Variants in BMPR1A observed in about 807,000 individuals in gnomAD.
BMPR1A encodes bone morphogenetic protein receptor type-1A.
In BMPR1A, 7 loss-of-function variants were observed where a neutral mutation model predicts 66.0. The observed-to-expected ratio is 0.11, with a 90% CI of 0.06 to 0.20. BMPR1A has a LOEUF of 0.20. Ranked by LOEUF, BMPR1A falls within the 10% of genes least tolerant of loss-of-function variation. BMPR1A has a pLI of 1.00. For missense variants in BMPR1A, 408 were observed against 669.1 expected, an observed-to-expected ratio of 0.61 and a Z score of 4.31; for synonymous variants, 200 against 229.7, an observed-to-expected ratio of 0.87 and a Z score of 1.17.
chr10:86,818,161 G>A (rs533782151), intron 1 of BMPR1A, among the ~76,000 whole-genome samples: 140 of 152,244 alleles, frequency 9.2e-4, no homozygotes, highest in Admixed American at 2.0e-3. Flanking sequence ...TAGGATTACA[G>A]GCACCTGCCA....
chr10:86,803,480 T>G (rs1841841669), intron 1 of BMPR1A, among the ~76,000 whole-genome samples: 1 of 152,220 alleles, frequency 6.6e-6, no homozygotes, highest in Non-Finnish European at 1.5e-5. Flanking sequence ...TGTTTTCCAG[T>G]TCTTTTATAG....
chr10:86,851,237 TA>T (rs1207958492), intron 2 of BMPR1A, among the ~76,000 whole-genome samples: 1 of 152,238 alleles, frequency 6.6e-6, no homozygotes, highest in African/African-American at 2.4e-5. Flanking sequence ...CCATTATACT[TA>T]CAAAGAACTG....
chr10:86,766,286 G>A (rs932724072), intron 1 of BMPR1A, among the ~76,000 whole-genome samples: 3 of 152,086 alleles, frequency 2.0e-5, no homozygotes, highest in South Asian at 4.2e-4. Flanking sequence ...GGTGTTGTGC[G>A]CAGCCTTAAT....
intron 1 of BMPR1A, among the ~76,000 whole-genome samples, chr10:86,772,725 A>G (rs1841283847): frequency 6.6e-6 from 1 of 152,180 alleles, no homozygotes; most frequent in South Asian, 2.1e-4. Flanking sequence ...TTCTCTTAAC[A>G]GTCATTTAAA....
intron 7 of BMPR1A, among the ~76,000 whole-genome samples, chr10:86,906,654 G>A (rs1320489653): frequency 1.9e-5 from 1 of 52,458 alleles, no homozygotes; most frequent in Non-Finnish European, 2.9e-5. Flanking sequence ...AATCCGGGAG[G>A]CGGAGCTTGC....
At chr10:86,803,487 A>G (rs1419010065) in intron 1 of BMPR1A, among the ~76,000 whole-genome samples, 1 of 152,122 alleles carries the variant, frequency 6.6e-6, no homozygotes, top group African/African-American at 2.4e-5. Context: ...CAGTTCTTTT[A>G]TAGTTTTACA....
chr10:86,880,738 C>CT (rs1281191803), intron 3 of BMPR1A, among the ~76,000 whole-genome samples: 1 of 152,182 alleles, frequency 6.6e-6, no homozygotes, highest in African/African-American at 2.4e-5. Context: ...GGAGAAATCA[C>CT]TGAGTTCAAG....
chr10:86,900,215 CT>C (rs1329406964), intron 7 of BMPR1A, 89 bp downstream of exon 7: 1 of 1,253,792 alleles, frequency 8.0e-7, no homozygotes, highest in Non-Finnish European at 1.1e-6. Flanking sequence ...AAACCATTAA[CT>C]TGTATTCTCT....
intron 2 of BMPR1A, among the ~76,000 whole-genome samples, chr10:86,864,144 G>C (rs1026261196): frequency 7.2e-5 from 11 of 151,968 alleles, no homozygotes; most frequent in African/African-American, 2.7e-4. Flanking sequence ...GTTTTGCCTC[G>C]CACAAGGTCT....
intron 2 of BMPR1A, among the ~76,000 whole-genome samples, chr10:86,844,282 G>A (rs1209957381): frequency 6.6e-6 from 1 of 152,116 alleles, no homozygotes; most frequent in Non-Finnish European, 1.5e-5. Context: ...TCTGTTCATA[G>A]TTACCTCTTT....
In BMPR1A at chr10:86,855,442, T is replaced by G. The variant is rs529283145; in HGVS notation, c.-153+16463T>G. The G allele has an allele frequency of 1.1e-5, 7 of 636,528 alleles. No individual in the cohort carries two copies. The African/African-American group carries it at 1.3e-4, about 12-fold the overall frequency. The allele number at this position is 636,528 out of a possible 1,614,324, so 39.4% of individuals were successfully genotyped here. A position where few individuals can be genotyped will look rare whatever the true frequency, so the allele number is the denominator to read the frequency against. ...ATGCTCCATACTTTTCTTATGCCTA[T>G]TAGAGTTATTTCTGACCTACTGTAT... On this transcript the variant is annotated intron_variant, in intron 2 of 12. Coordinates refer to ENST00000372037, the MANE Select transcript of BMPR1A (RefSeq NM_004329.3).
intron 1 of BMPR1A, among the ~76,000 whole-genome samples, chr10:86,835,586 A>G (rs1213789240): frequency 1.5e-5 from 2 of 133,342 alleles, no homozygotes; most frequent in African/African-American, 5.3e-5. Context: ...AAAAAAAAAA[A>G]AAGGTGTTTT....
intron 7 of BMPR1A, among the ~76,000 whole-genome samples, chr10:86,902,581 T>C (rs767366261): frequency 5.3e-5 from 8 of 152,192 alleles, no homozygotes; most frequent in Non-Finnish European, 5.9e-5. Context: ...CCCAGTGAAA[T>C]GGTCCAGGCA....
At chr10:86,785,729 G>C (rs887550993) in intron 1 of BMPR1A, among the ~76,000 whole-genome samples, 5 of 152,194 alleles carry the variant, frequency 3.3e-5, no homozygotes, top group African/African-American at 1.2e-4. Flanking sequence ...GAAATCTCCT[G>C]CTGTTACTGG....
At chr10:86,824,255 A>G (rs1842162420) in intron 1 of BMPR1A, among the ~76,000 whole-genome samples, 1 of 152,090 alleles carries the variant, frequency 6.6e-6, no homozygotes, top group African/African-American at 2.4e-5. Context: ...GATTATGTGC[A>G]TTGTGTTGGG....
intron 3 of BMPR1A, among the ~76,000 whole-genome samples, chr10:86,880,700 T>A (rs1842975368): frequency 6.6e-6 from 1 of 152,228 alleles, no homozygotes; most frequent in Non-Finnish European, 1.5e-5. Context: ...TCTGATTGTC[T>A]TTTTTCACTA....
intron 1 of BMPR1A, among the ~76,000 whole-genome samples, chr10:86,761,028 A>G (rs1387911505): frequency 6.6e-6 from 1 of 152,176 alleles, no homozygotes; most frequent in East Asian, 1.9e-4. Context: ...TGCATCTTAG[A>G]ATTGATGAAT....
intron 1 of BMPR1A, among the ~76,000 whole-genome samples, chr10:86,823,180 A>C (rs998807433): frequency 5.9e-5 from 9 of 152,248 alleles, no homozygotes; most frequent in Non-Finnish European, 1.3e-4. Flanking sequence ...AGTGATTCAC[A>C]GTGTTTTCTG....
At chr10:86,819,649 T>C (rs547552676) in intron 1 of BMPR1A, among the ~76,000 whole-genome samples, 2 of 152,332 alleles carry the variant, frequency 1.3e-5, no homozygotes, top group African/African-American at 4.8e-5. Context: ...ATTAGAAATT[T>C]ATGCTTGAAG....
Sources: allele counts gnomAD v4.1 joint callset (sites outside exome capture counted in the v4.1 genomes callset), GRCh38; gene constraint gnomAD v4.1.1; transcripts MANE v1.5; gene names NCBI Gene and HGNC (gene_info 2026-07-23, HGNC 2026-07-21).